The following TMEM97 variants were observed in gnomAD, a reference collection of about 807,000 sequenced individuals.
TMEM97 encodes transmembrane protein 97.
TMEM97 carries 13 observed loss-of-function variants against 18.3 expected under a neutral mutation model. That is an observed-to-expected ratio of 0.71 (90% CI 0.46 to 1.13). The LOEUF (loss-of-function observed/expected upper bound fraction) is 1.13. Among genes scored for constraint, TMEM97 ranks in the 50% most tolerant of loss-of-function variants. TMEM97 has a pLI of 0.00. For missense variants in TMEM97, 205 were observed against 210.5 expected, an observed-to-expected ratio of 0.97 and a Z score of 0.16; for synonymous variants, 76 against 85.3, an observed-to-expected ratio of 0.89 and a Z score of 0.60.
chr17:28,326,833 G>T lies in TMEM97; in HGVS notation c.*40G>T, dbSNP rs371150467. The T allele has an allele frequency of 5.1e-5, 81 of 1,583,470 alleles. No homozygotes were observed. Among genetic ancestry groups the T allele is most frequent in the Non-Finnish European group, 6.7e-5 (78 of 1,171,888 alleles). On this transcript the variant is annotated 3_prime_UTR_variant, in exon 3 of 3. Coordinates refer to ENST00000226230, the MANE Select transcript of TMEM97 (RefSeq NM_014573.3). ...GGCCCAGGGTAGAGATGCCTACAGG[G>T]TGGTTGCTTGTTGGATACAATACAA...
Position 28,327,969 on chromosome 17 carries a change from T to C in TMEM97, c.*1176T>C, listed in dbSNP as rs1450679242. On this transcript the variant is annotated 3_prime_UTR_variant, in exon 3 of 3. Coordinates refer to ENST00000226230, the MANE Select transcript of TMEM97 (RefSeq NM_014573.3). ...TAATACAGTTCCGTCATTCCCATCT[T>C]GTTTTCAGAAGAGAAGGTGGCTACA... is the stretch of plus-strand genomic sequence containing the variant. 1.3e-5 allele frequency: 2 copies of C among 152,688 alleles called. No individual in the cohort carries two copies. Among genetic ancestry groups the C allele is most frequent in the South Asian group, 2.1e-4 (1 of 4,830 alleles). 9.5% of individuals were successfully genotyped at this position (152,688 alleles called of 1,614,324 possible).
In TMEM97 at chr17:28,327,574, G is replaced by C. The variant is rs1278050708; in HGVS notation, c.*781G>C. The C allele has an allele frequency of 5.3e-5, 8 of 152,186 alleles. No individual in the cohort carries two copies. The highest frequency in any genetic ancestry group is 1.9e-4 in the African/African-American group (8 of 41,436). The allele number at this position is 152,186 out of a possible 1,614,324, so 9.4% of individuals were successfully genotyped here. A position where few individuals can be genotyped will look rare whatever the true frequency, so the allele number is the denominator to read the frequency against. ...GGATATTTTGGGCCATTTTAAATGTGAAATTTTGCCTCTTTAATGTTAATT... is the reference window on the plus strand; with the variant it reads ...GGATATTTTGGGCCATTTTAAATGTCAAATTTTGCCTCTTTAATGTTAATT... On this transcript the variant is annotated 3_prime_UTR_variant, in exon 3 of 3. Coordinates refer to ENST00000226230, the MANE Select transcript of TMEM97 (RefSeq NM_014573.3).
Position 28,319,204 on chromosome 17 carries a change from T to C in TMEM97, c.-36T>C. 2.6e-6 allele frequency: 4 copies of C among 1,560,404 alleles called. No homozygotes were observed. Among genetic ancestry groups the C allele is most frequent in the Non-Finnish European group, 3.5e-6 (4 of 1,152,568 alleles). ...GAAGGCGCGCGGATTTGGCCCCTCT[T>C]CTCACATCAGCGGGTCCAGGCCCAA... On this transcript the variant is annotated 5_prime_UTR_variant, in exon 1 of 3. Coordinates refer to ENST00000226230, the MANE Select transcript of TMEM97 (RefSeq NM_014573.3).
chr17:28,326,961 T>TC lies in TMEM97; in HGVS notation c.*170dup. The TC allele has an allele frequency of 1.2e-6, 1 of 846,784 alleles. No homozygotes were observed. Among genetic ancestry groups the TC allele is most frequent in the Non-Finnish European group, 1.8e-6 (1 of 563,714 alleles). 52.5% of individuals were successfully genotyped at this position (846,784 alleles called of 1,614,324 possible). ...GAACCATGTCAAACCCTCACCTTCT[T>TC]CCATTTTTTTTTTTTTTTTAAGACA... On this transcript the variant is annotated 3_prime_UTR_variant, in exon 3 of 3. Transcript: ENST00000226230.
At position 28,327,471 on chromosome 17, in the gene TMEM97, C is replaced by T. The variant is rs1906407820; in HGVS notation, c.*678C>T. The T allele has an allele frequency of 6.6e-6, 1 of 152,438 alleles. No individual in the cohort carries two copies. Among genetic ancestry groups the T allele is most frequent in the Non-Finnish European group, 1.5e-5 (1 of 68,256 alleles). 9.4% of individuals were successfully genotyped at this position (152,438 alleles called of 1,614,324 possible). Reference sequence around the variant, plus strand: ...TGACATGTTCATGAGTCACCTGACCCACAGCATATATGCTTATGACTAAAC... The same window carrying T: ...TGACATGTTCATGAGTCACCTGACCTACAGCATATATGCTTATGACTAAAC... On this transcript the variant is annotated 3_prime_UTR_variant, in exon 3 of 3. Coordinates refer to ENST00000226230, the MANE Select transcript of TMEM97 (RefSeq NM_014573.3).
rs1555575499 is a variant in TMEM97, at chr17:28,326,615, T to G, written c.353T>G (p.Phe118Cys). The stretch of plus-strand genomic sequence containing the variant: ...ACCTTAATTCCGATACTCTCCACAT[T>G]TCTGTTTGAGGATTTCTCCAAAGCC... ...MTTLIPILST[F>C]LFEDFSKASG... Residue 118 changes from phenylalanine to cysteine, a missense_variant, in exon 3 of 3, where the codon TTT (phenylalanine) becomes TGT (cysteine). By Grantham distance (205) the Phe-to-Cys change is radical (BLOSUM62 -2). Coordinates refer to ENST00000226230, the MANE Select transcript of TMEM97 (RefSeq NM_014573.3). 2.5e-6 allele frequency: 4 copies of G among 1,614,182 alleles called. No individual in the cohort carries two copies. The East Asian group carries it at 8.9e-5, about 36-fold the overall frequency.
At chr17:28,322,162 C>T (rs1906172161) in intron 1 of TMEM97, among the ~76,000 whole-genome samples, 1 of 151,978 alleles carries the variant, frequency 6.6e-6, no homozygotes, top group Non-Finnish European at 1.5e-5. Context: ...CTGAAACATG[C>T]ACAATAAATT....
chr17:28,319,481 T>A, intron 1 of TMEM97, 116 bp downstream of exon 1: 1 of 1,266,652 alleles, frequency 7.9e-7, no homozygotes, highest in South Asian at 1.7e-5. Flanking sequence ...TCTCGGGTCC[T>A]GCCCATGCCT....
At chr17:28,322,026 G>A (rs959239160) in intron 1 of TMEM97, among the ~76,000 whole-genome samples, 3 of 151,988 alleles carry the variant, frequency 2.0e-5, no homozygotes, top group East Asian at 3.8e-4. Flanking sequence ...AATAATAAAC[G>A]CCTTGAGTTA....
At position 28,328,465 on chromosome 17, in the gene TMEM97, C is replaced by A; in HGVS notation, c.*1672C>A. The A allele has an allele frequency of 1.6e-6, 1 of 608,256 alleles. No homozygotes were observed. 37.7% of individuals were successfully genotyped at this position (608,256 alleles called of 1,614,324 possible). A position where few individuals can be genotyped will look rare whatever the true frequency, so the allele number is the denominator to read the frequency against. On this transcript the variant is annotated 3_prime_UTR_variant, in exon 3 of 3. Coordinates refer to ENST00000226230, the MANE Select transcript of TMEM97 (RefSeq NM_014573.3). ...TACACTGCAGGGCCACCAGCAGCAG[C>A]TGTGCACTGATGTTAAAACTGGCTC...
Position 28,325,483 on chromosome 17 carries a change from ATGATCG to A in TMEM97, c.127-18_127-13del. The A allele has an allele frequency of 6.2e-7, 1 of 1,611,924 alleles. No individual in the cohort carries two copies. Among genetic ancestry groups the A allele is most frequent in the Non-Finnish European group, 8.5e-7 (1 of 1,179,374 alleles). On this transcript the variant is annotated splice_polypyrimidine_tract_variant and intron_variant, in intron 1 of 2. Coordinates refer to ENST00000226230, the MANE Select transcript of TMEM97 (RefSeq NM_014573.3). ...TGAGGGCAAGTGGCTGTAATTCATCATGATCGTTTTCTTTTTCAGTTTAGAAACCTG... is the reference window on the plus strand; with the variant it reads ...TGAGGGCAAGTGGCTGTAATTCATCATTTTCTTTTTCAGTTTAGAAACCTG...
At chr17:28,319,401 C>T in intron 1 of TMEM97, 36 bp downstream of exon 1, 1 of 1,393,304 alleles carries the variant, frequency 7.2e-7, no homozygotes. Flanking sequence ...CCCGCTGAGG[C>T]TCTCCCGGCG....
At position 28,326,991 on chromosome 17, in the gene TMEM97, C is replaced by G; in HGVS notation, c.*198C>G. ...TTTTTTTTTTTTTTTAAGACAGTCTCACTCTGTTGCCCAGGCTGGAGTAAA... is the reference window on the plus strand; with the variant it reads ...TTTTTTTTTTTTTTTAAGACAGTCTGACTCTGTTGCCCAGGCTGGAGTAAA... On this transcript the variant is annotated 3_prime_UTR_variant, in exon 3 of 3. Coordinates refer to ENST00000226230, the MANE Select transcript of TMEM97 (RefSeq NM_014573.3). The G allele has an allele frequency of 1.6e-6, 1 of 616,874 alleles. No homozygotes were observed. Among genetic ancestry groups the G allele is most frequent in the Non-Finnish European group, 2.7e-6 (1 of 368,138 alleles). 38.2% of individuals were successfully genotyped at this position (616,874 alleles called of 1,614,324 possible).
In TMEM97 at chr17:28,325,488, C is replaced by T. The variant is rs1906296153; in HGVS notation, c.127-15C>T. The T allele has an allele frequency of 2.5e-6, 4 of 1,611,912 alleles. No homozygotes were observed. The highest frequency in any genetic ancestry group is 1.1e-5 in the South Asian group (1 of 90,512). ...GCAAGTGGCTGTAATTCATCATGAT[C>T]GTTTTCTTTTTCAGTTTAGAAACCT... On this transcript the variant is annotated splice_polypyrimidine_tract_variant and intron_variant, in intron 1 of 2. Coordinates refer to ENST00000226230, the MANE Select transcript of TMEM97 (RefSeq NM_014573.3).
At chr17:28,324,309 C>A (rs1239090131) in intron 1 of TMEM97, among the ~76,000 whole-genome samples, 5 of 152,290 alleles carry the variant, frequency 3.3e-5, no homozygotes, top group Non-Finnish European at 7.4e-5. Context: ...GGTTATCTAG[C>A]CAAAGCCTTT....
intron 2 of TMEM97, among the ~76,000 whole-genome samples, 155 bp from the exon 3 acceptor site, chr17:28,326,379 G>A (rs1597780836): frequency 1.3e-5 from 2 of 152,346 alleles, no homozygotes; most frequent in Admixed American, 6.5e-5. Context: ...AAGTCTGCAT[G>A]TTGGGCAGTG....
At position 28,327,876 on chromosome 17, in the gene TMEM97, G is replaced by A. The variant is rs2142362611; in HGVS notation, c.*1083G>A. 1 of 152,332 alleles carries A rather than the reference G, an allele frequency of 6.6e-6. No individual in the cohort carries two copies. The highest frequency in any genetic ancestry group is 2.1e-4 in the South Asian group (1 of 4,828). 9.4% of individuals were successfully genotyped at this position (152,332 alleles called of 1,614,324 possible). A position where few individuals can be genotyped will look rare whatever the true frequency, so the allele number is the denominator to read the frequency against. On this transcript the variant is annotated 3_prime_UTR_variant, in exon 3 of 3. Coordinates refer to ENST00000226230, the MANE Select transcript of TMEM97 (RefSeq NM_014573.3). ...CCACCTGACACAAGTCCCTGTATCT[G>A]AAGTCTAGCATCTCAAGGCTGATCT...
chr17:28,326,759 A>G lies in TMEM97; in HGVS notation c.497A>G (p.Tyr166Cys), dbSNP rs1555575544. Residue 166 changes from tyrosine (Y) to cysteine (C), a missense_variant, in exon 3 of 3, where the codon TAC becomes TGC. Physicochemically the swap from Tyr to Cys is radical, Grantham distance 194. Transcript: ENST00000226230. The stretch of plus-strand genomic sequence containing the variant: ...TTAATTTTCATGTTGCGGAGCCCCT[A>G]CTACAAGTATGAAGAGAAAAGAAAA... ...ILLIFMLRSP[Y>C]YKYEEKRKKK 6 of 1,613,702 alleles carry G rather than the reference A, an allele frequency of 3.7e-6. No homozygotes were observed. In the South Asian group the frequency reaches 5.5e-5, roughly 15 times the overall value.
intron 1 of TMEM97, among the ~76,000 whole-genome samples, chr17:28,323,843 A>G (rs1246650786): frequency 6.6e-6 from 1 of 152,186 alleles, no homozygotes; most frequent in Non-Finnish European, 1.5e-5. Flanking sequence ...CCGTCTCTAC[A>G]GAAAATTAGC....
Sources: allele counts gnomAD v4.1 joint callset (sites outside exome capture counted in the v4.1 genomes callset), GRCh38; gene constraint gnomAD v4.1.1; transcripts MANE v1.5; gene names NCBI Gene and HGNC (gene_info 2026-07-23, HGNC 2026-07-21).